DIP2C: variants seen among roughly 807,000 people sequenced by gnomAD.
DIP2C encodes the protein DIP2 acetate--CoA ligase C (putative).
DIP2C carries 33 observed loss-of-function variants against 192.4 expected under a neutral mutation model. The observed-to-expected ratio is 0.17, with a 90% CI of 0.13 to 0.23. DIP2C has a LOEUF of 0.23. DIP2C is among the 10% of genes least tolerant of loss of function. The pLI is 1.00. For synonymous variants in DIP2C, 979 were observed against 864.1 expected (o/e 1.13, Z -2.33); for missense variants, 1,537 against 2,110.1 (o/e 0.73, Z 5.32).
Position 277,224 on chromosome 10 carries a change from G to T in DIP2C, c.*101C>A. 1.3e-6 allele frequency: 2 copies of T among 1,506,592 alleles called. No homozygotes were observed. The highest frequency in any genetic ancestry group is 1.8e-6 in the Non-Finnish European group (2 of 1,117,144). The allele number at this position is 1,506,592 out of a possible 1,614,324, so 93.3% of individuals were successfully genotyped here. A position where few individuals can be genotyped will look rare whatever the true frequency, so the allele number is the denominator to read the frequency against. On this transcript the variant is annotated 3_prime_UTR_variant, in exon 37 of 37. Transcript: ENST00000280886. ...TCCTCCTCCACTCTCACCACAAATG[G>T]CTGTATTCTGGTGAGTGTTGCCCTG...
intron 1 of DIP2C, among the ~76,000 whole-genome samples, chr10:546,853 G>A (rs1848310567): frequency 6.6e-6 from 1 of 152,108 alleles, no homozygotes; most frequent in Non-Finnish European, 1.5e-5. Flanking sequence ...CACAAGATTT[G>A]TATATTTTAA....
intron 1 of DIP2C, among the ~76,000 whole-genome samples, chr10:677,176 A>G (rs4881505): frequency 0.8 from 121,171 of 152,202 alleles, 52,114 homozygotes; most frequent in Non-Finnish European, 0.95. Context: ...AAGGAAGACT[A>G]TAGTCACTTG....
chr10:467,572 A>G (rs995571293), intron 3 of DIP2C, among the ~76,000 whole-genome samples: 18 of 147,114 alleles, frequency 1.2e-4, no homozygotes, highest in African/African-American at 4.3e-4. Flanking sequence ...GTGTAAAAAA[A>G]AAAAAAAAAG....
chr10:421,347 G>T (rs764165321), intron 5 of DIP2C, among the ~76,000 whole-genome samples: 14 of 152,292 alleles, frequency 9.2e-5, no homozygotes, highest in African/African-American at 1.2e-4. Context: ...AAAAATATGT[G>T]TTTTCCTTGG....
At chr10:594,712 T>A (rs1370658120) in intron 1 of DIP2C, among the ~76,000 whole-genome samples, 2 of 152,148 alleles carry the variant, frequency 1.3e-5, no homozygotes, top group Non-Finnish European at 2.9e-5. Context: ...GAAGGGCAGG[T>A]CTCGTCGGCC....
At chr10:680,316 T>A (rs527736973) in intron 1 of DIP2C, among the ~76,000 whole-genome samples, 6 of 152,284 alleles carry the variant, frequency 3.9e-5, no homozygotes, top group Non-Finnish European at 8.8e-5. Context: ...CGGCCTGACA[T>A]GAGCCCGGCC....
Position 362,541 on chromosome 10 carries a change from A to C in DIP2C, c.2743T>G (p.Cys915Gly). ...GSLHPCNVLM[C>G]PHTCVTNLPK... ...AAGTTTGTGACGCAGGTGTGGGGGC[A>C]CATTAGGACATTGCAGGGGTGCAGA... Residue 915 changes from cysteine (C) to glycine (G), a missense_variant, in exon 22 of 37, where the codon TGC becomes GGC. Physicochemically the swap from Cys to Gly is radical, Grantham distance 159. Transcript: ENST00000280886. 1 of 1,614,084 alleles carries C rather than the reference A, an allele frequency of 6.2e-7. No homozygotes were observed. Among genetic ancestry groups the C allele is most frequent in the Non-Finnish European group, 8.5e-7 (1 of 1,179,964 alleles).
chr10:467,219 A>G (rs112794443), intron 3 of DIP2C, among the ~76,000 whole-genome samples: 1 of 152,194 alleles, frequency 6.6e-6, no homozygotes, highest in Non-Finnish European at 1.5e-5. Flanking sequence ...TGATGAGTTC[A>G]TGTCCTTTGT....
At chr10:439,939 G>A (rs1967592143) in intron 4 of DIP2C, among the ~76,000 whole-genome samples, 1 of 152,202 alleles carries the variant, frequency 6.6e-6, no homozygotes, top group South Asian at 2.1e-4. Context: ...TTCAAAGTGG[G>A]ATGTAAGGTG....
intron 1 of DIP2C, among the ~76,000 whole-genome samples, chr10:638,442 C>G (rs1353809446): frequency 1.3e-5 from 2 of 152,186 alleles, no homozygotes; most frequent in African/African-American, 4.8e-5. Context: ...AAAATGGTCA[C>G]TCTAACAGGA....
chr10:424,428 C>T (rs561078097), intron 4 of DIP2C, among the ~76,000 whole-genome samples: 3 of 139,058 alleles, frequency 2.2e-5, no homozygotes, highest in African/African-American at 2.7e-5. Flanking sequence ...AGCAGTGGCG[C>T]GATCTCAGCT....
intron 4 of DIP2C, among the ~76,000 whole-genome samples, chr10:432,071 G>A (rs903987531): frequency 1.3e-5 from 2 of 151,454 alleles, no homozygotes; most frequent in African/African-American, 4.8e-5. Flanking sequence ...ATTCCACTTG[G>A]TTTTGGTGCA....
intron 1 of DIP2C, among the ~76,000 whole-genome samples, chr10:582,626 T>C (rs1850739734): frequency 6.6e-6 from 1 of 152,094 alleles, no homozygotes; most frequent in Non-Finnish European, 1.5e-5. Context: ...CTGGATGCGT[T>C]TAGGTGGAGG....
chr10:444,296 C>T (rs892942326), intron 3 of DIP2C, among the ~76,000 whole-genome samples: 1 of 148,922 alleles, frequency 6.7e-6, no homozygotes, highest in Non-Finnish European at 1.5e-5. Flanking sequence ...AGGAGTGTTC[C>T]TTGGCACTGT....
chr10:340,734 G>A (rs1408631015), intron 29 of DIP2C: 1 of 457,226 alleles, frequency 2.2e-6, no homozygotes. Flanking sequence ...CGGCTGCTGG[G>A]TAGAGTGCCG....
At chr10:618,251 A>T (rs2131819973) in intron 1 of DIP2C, among the ~76,000 whole-genome samples, 1 of 152,350 alleles carries the variant, frequency 6.6e-6, no homozygotes, top group African/African-American at 2.4e-5. Flanking sequence ...ATAAATTACA[A>T]GAATCTCTAA....
At chr10:465,378 G>A (rs1471003607) in intron 3 of DIP2C, among the ~76,000 whole-genome samples, 1 of 149,298 alleles carries the variant, frequency 6.7e-6, no homozygotes, top group African/African-American at 2.5e-5. Flanking sequence ...GGTATTGATG[G>A]GACATATTTC....
intron 1 of DIP2C, among the ~76,000 whole-genome samples, chr10:670,268 G>A (rs2066128): frequency 0.88 from 132,278 of 149,986 alleles, 58,623 homozygotes; most frequent in South Asian, 0.97. Flanking sequence ...GCACATACAC[G>A]CATGCATATA....
intron 36 of DIP2C, among the ~76,000 whole-genome samples, chr10:280,049 C>A (rs1049730069): frequency 1.3e-5 from 2 of 152,170 alleles, no homozygotes; most frequent in African/African-American, 4.8e-5. Flanking sequence ...GGGCCAAAGT[C>A]TTCCTAGAGT....
Sources: allele counts gnomAD v4.1 joint callset (sites outside exome capture counted in the v4.1 genomes callset), GRCh38; gene constraint gnomAD v4.1.1; transcripts MANE v1.5; gene names NCBI Gene and HGNC (gene_info 2026-07-23, HGNC 2026-07-21).